The following EPB41 variants were observed in gnomAD, a reference collection of about 807,000 sequenced individuals.
EPB41 encodes the protein protein 4.1.
A neutral mutation model predicts 108.0 loss-of-function variants in EPB41; 65 were observed. That is an observed-to-expected ratio of 0.60 (90% confidence interval 0.49 to 0.74). EPB41 has a LOEUF of 0.74. Ranked by LOEUF, EPB41 falls within the 30% of genes least tolerant of loss-of-function variation. The pLI, the probability that EPB41 is intolerant of heterozygous loss-of-function variation, is 0.00. For synonymous variants in EPB41, 336 were observed against 358.9 expected, an observed-to-expected ratio of 0.94 and a Z score of 0.72; for missense variants, 875 against 1,037.0, an observed-to-expected ratio of 0.84 and a Z score of 2.15.
chr1:29,020,150 C>A (rs1036235108), intron 7 of EPB41, among the ~76,000 whole-genome samples: 1 of 151,930 alleles, frequency 6.6e-6, no homozygotes, highest in Non-Finnish European at 1.5e-5. Context: ...CTCACTGCAG[C>A]CTCCACCTCC....
intron 2 of EPB41, among the ~76,000 whole-genome samples, chr1:28,991,640 T>C (rs1313746028): frequency 6.7e-6 from 1 of 148,342 alleles, no homozygotes; most frequent in African/African-American, 2.5e-5. Flanking sequence ...AGGTCGAGGC[T>C]GCATTGAGCC....
At position 29,047,253 on chromosome 1, in the gene EPB41, C is replaced by CTTTT. The variant is rs755248112; in HGVS notation, c.1637-5838_1637-5835dup. Among the ~76,000 whole-genome samples the CTTTT allele has an allele frequency of 2.5e-4, 25 of 100,528 alleles. 1 individual carries two copies. The highest frequency in any genetic ancestry group is 1.2e-3 in the African/African-American group (24 of 19,754). The allele number at this position is 100,528 out of a possible 152,430, so 66.0% of individuals were successfully genotyped here. The stretch of plus-strand genomic sequence containing the variant: ...TGTTTCTTTTTTCTTTCTTTCTTTC[C>CTTTT]TTTTTTTTTTTTTTTTGGAGAGAGA... On this transcript the variant is annotated intron_variant, in intron 11 of 20. Coordinates refer to ENST00000343067, the MANE Select transcript of EPB41 (RefSeq NM_001376013.1).
At chr1:28,919,409 A>G (rs761442760) in intron 1 of EPB41, among the ~76,000 whole-genome samples, 3 of 151,948 alleles carry the variant, frequency 2.0e-5, no homozygotes, top group Non-Finnish European at 4.4e-5. Context: ...TGGGAGCTTG[A>G]TATCCAAATA....
intron 1 of EPB41, among the ~76,000 whole-genome samples, chr1:28,954,868 C>T (rs1239357590): frequency 2.0e-5 from 3 of 152,136 alleles, no homozygotes; most frequent in Non-Finnish European, 4.4e-5. Context: ...ATGTAGACCC[C>T]GTTCGTGTGA....
chr1:29,037,883 A>ACATATGTACTGTT (rs746326262), intron 10 of EPB41, among the ~76,000 whole-genome samples: 13,714 of 152,160 alleles, frequency 0.09, 797 homozygotes, highest in Non-Finnish European at 0.14. Context: ...TTTCATATGT[A>ACATATGTACTGTT]GCAACAGTAC....
intron 11 of EPB41, among the ~76,000 whole-genome samples, chr1:29,042,197 A>G (rs1290384587): frequency 6.6e-6 from 1 of 152,188 alleles, no homozygotes; most frequent in Non-Finnish European, 1.5e-5. Context: ...CATTTTTACA[A>G]TGTTCCTCTT....
intron 11 of EPB41, among the ~76,000 whole-genome samples, chr1:29,045,788 C>A (rs1642980393): frequency 1.5e-5 from 2 of 131,740 alleles, no homozygotes; most frequent in African/African-American, 5.9e-5. Flanking sequence ...GCCTGGGCAA[C>A]ATGGCAAGAC....
upstream of EPB41, among the ~76,000 whole-genome samples, chr1:28,911,381 T>C (rs1273009276): frequency 1.3e-5 from 2 of 152,226 alleles, no homozygotes; most frequent in Admixed American, 1.3e-4. Context: ...CATGGCACTC[T>C]GAATTTCAGA....
chr1:29,058,714 C>T, intron 13 of EPB41, 69 bp downstream of exon 13: 1 of 1,551,842 alleles, frequency 6.4e-7, no homozygotes, highest in Non-Finnish European at 8.8e-7. Flanking sequence ...TCCCTTACTC[C>T]CTTTTCCTTA....
chr1:28,947,450 C>T (rs541862817), intron 1 of EPB41, among the ~76,000 whole-genome samples: 233 of 149,032 alleles, frequency 1.6e-3, no homozygotes, highest in Non-Finnish European at 2.6e-3. Flanking sequence ...AACAAACAAA[C>T]GGCCTTTTAA....
chr1:29,058,735 A>G lies in EPB41; in HGVS notation c.1903-76A>G, dbSNP rs528432762. ...ACTCCCTTTTCCTTAAAAAAATTAT[A>G]AAATGAAGGTTCAAACAAACTTCAA... On this transcript the variant is annotated intron_variant, in intron 13 of 20. Coordinates refer to ENST00000343067, the MANE Select transcript of EPB41 (RefSeq NM_001376013.1). 3,217 of 1,534,626 alleles carry G rather than the reference A, an allele frequency of 2.1e-3. 8 individuals are homozygous for G. The highest frequency in any genetic ancestry group is 2.3e-3 in the Non-Finnish European group (2,573 of 1,132,206).
intron 1 of EPB41, among the ~76,000 whole-genome samples, chr1:28,950,283 T>TA (rs2094663365): frequency 1.3e-5 from 2 of 152,226 alleles, no homozygotes; most frequent in African/African-American, 4.8e-5. Flanking sequence ...AACTGTGGCT[T>TA]AGAGATGTTA....
intron 1 of EPB41, among the ~76,000 whole-genome samples, chr1:28,916,148 A>C (rs958369716): frequency 6.6e-6 from 1 of 152,244 alleles, no homozygotes; most frequent in Non-Finnish European, 1.5e-5. Context: ...CATGTAGCGT[A>C]CATGCTATCT....
Position 28,887,628 on chromosome 1 carries a change from G to T in EPB41, c.-8+418G>T. On this transcript the variant is annotated intron_variant, in intron 1 of 16. Transcript: ENST00000347529. The surrounding 1 kb of genome is among the most constrained non-coding windows in gnomAD (Gnocchi z 4.9). The stretch of plus-strand genomic sequence containing the variant: ...TCCTGCCGGGCCCGCAGCAGCGCTG[G>T]AGCGGGCTGGCGGCTAGCAGCGGGA... 3.0e-6 allele frequency: 3 copies of T among 985,298 alleles called. No individual in the cohort carries two copies. Among genetic ancestry groups the T allele is most frequent in the Non-Finnish European group, 3.6e-6 (3 of 829,866 alleles). 61.0% of individuals were successfully genotyped at this position (985,298 alleles called of 1,614,324 possible). A position where few individuals can be genotyped will look rare whatever the true frequency, so the allele number is the denominator to read the frequency against.
At chr1:28,892,093 C>CAAAAAA (rs748788169) in intron 1 of EPB41, among the ~76,000 whole-genome samples, 20 of 69,772 alleles carry the variant, frequency 2.9e-4, no homozygotes, top group East Asian at 8.5e-4. Context: ...GACTGCATCT[C>CAAAAAA]AAAAAAAAAA....
chr1:29,060,442 T>C lies in EPB41; in HGVS notation c.1965T>C (p.Asp655=), dbSNP rs200825844. The C allele has an allele frequency of 2.0e-5, 32 of 1,612,946 alleles. No individual in the cohort carries two copies. Among genetic ancestry groups the C allele is most frequent in the Non-Finnish European group, 2.7e-5 (32 of 1,179,084 alleles). ...RMRKKKRERL[D]GENIYIRHSN... Reference sequence around the variant, plus strand: ...CACAGAAAAAGAGAGAAAGACTAGATGGTGAAAACATTTATATCAGACATA... The same window carrying C: ...CACAGAAAAAGAGAGAAAGACTAGACGGTGAAAACATTTATATCAGACATA... The change falls in exon 15 of 21, where the codon GAT becomes GAC. Residue 655 remains aspartate, a synonymous_variant. Coordinates refer to ENST00000343067, the MANE Select transcript of EPB41 (RefSeq NM_001376013.1).
rs1289927685 is a variant in EPB41, at chr1:28,987,473, A to G, written c.36A>G (p.Glu12=). Residue 12 remains glutamate, a synonymous_variant, in exon 2 of 21, where the codon GAA becomes GAG. Coordinates refer to ENST00000343067, the MANE Select transcript of EPB41 (RefSeq NM_001376013.1). ...AGAAGAGTTTAGTGACTGAGGCCGA[A>G]AATTCACAGCACCAACAGAAGGAAG... ...TTEKSLVTEA[E]NSQHQQKEEG... The G allele has an allele frequency of 6.2e-7, 1 of 1,614,094 alleles. No homozygotes were observed. The highest frequency in any genetic ancestry group is 8.5e-7 in the Non-Finnish European group (1 of 1,180,040).
intron 1 of EPB41, among the ~76,000 whole-genome samples, chr1:28,933,816 C>T (rs183496249): frequency 4.2e-4 from 64 of 152,232 alleles, no homozygotes; most frequent in Non-Finnish European, 7.5e-4. Flanking sequence ...AAAAACCACA[C>T]ACACGGTTTT....
At chr1:29,033,059 T>C in intron 8 of EPB41, 34 bp from the exon 9 acceptor site, 2 of 1,610,360 alleles carry the variant, frequency 1.2e-6, no homozygotes, top group Non-Finnish European at 1.7e-6. Context: ...AGTACTTTGC[T>C]CCAGACTGAA....
Sources: allele counts gnomAD v4.1 joint callset (sites outside exome capture counted in the v4.1 genomes callset), GRCh38; gene constraint gnomAD v4.1.1; non-coding constraint Gnocchi (gnomAD v3.1); transcripts MANE v1.5; gene names NCBI Gene and HGNC (gene_info 2026-07-23, HGNC 2026-07-21).